RPF2: variants seen among roughly 807,000 people sequenced by gnomAD.
The protein encoded by RPF2 is brix domain containing 1.
A neutral mutation model predicts 38.9 loss-of-function variants in RPF2; 21 were observed. The observed-to-expected ratio is 0.54, with a 90% CI of 0.38 to 0.78. The LOEUF is 0.78. Ranked by LOEUF, RPF2 falls within the 30% of genes least tolerant of loss-of-function variation. The pLI is 0.00. For missense variants in RPF2, 314 were observed against 358.1 expected (o/e 0.88, Z 0.99); for synonymous variants, 121 against 126.2 (o/e 0.96, Z 0.28).
At chr6:110,990,598 A>C (rs1386557741) in intron 3 of RPF2, among the ~76,000 whole-genome samples, 1 of 44,504 alleles carries the variant, frequency 2.2e-5, no homozygotes. Flanking sequence ...TTGTTTTTTT[A>C]GTATGAGACG....
Position 111,027,996 on chromosome 6 carries a change from G to A in RPF2, c.*2414G>A, listed in dbSNP as rs144045995. ...TTTCAATGGAGGTGGTAAATTGCCT[G>A]TTTTAAGTTTTACTTAATGTTGGGT... On this transcript the variant is annotated 3_prime_UTR_variant, in exon 10 of 10. Coordinates refer to ENST00000441448, the MANE Select transcript of RPF2 (RefSeq NM_032194.3). 1.3e-3 allele frequency: 192 copies of A among 152,234 alleles called. No individual in the cohort carries two copies. Among genetic ancestry groups the A allele is most frequent in the African/African-American group, 4.4e-3 (184 of 41,552 alleles). 9.4% of individuals were successfully genotyped at this position (152,234 alleles called of 1,614,324 possible). A position where few individuals can be genotyped will look rare whatever the true frequency, so the allele number is the denominator to read the frequency against.
intron 3 of RPF2, among the ~76,000 whole-genome samples, chr6:110,990,857 G>T (rs191016136): frequency 6.6e-6 from 1 of 152,324 alleles, no homozygotes. Flanking sequence ...ACAGGCGTGA[G>T]CCACTGCTCC....
intron 8 of RPF2, among the ~76,000 whole-genome samples, chr6:111,017,398 CG>C (rs1562375567): frequency 3.0e-5 from 3 of 98,584 alleles, no homozygotes; most frequent in African/African-American, 1.2e-4. Context: ...CAGGCGGAGA[CG>C]CTCCTCACTT....
At chr6:111,021,820 A>G (rs1195292617) in intron 8 of RPF2, among the ~76,000 whole-genome samples, 2 of 152,228 alleles carry the variant, frequency 1.3e-5, no homozygotes, top group South Asian at 2.1e-4. Context: ...CCCTTATGCA[A>G]TTTGAAAATG....
At chr6:111,022,021 G>A in intron 8 of RPF2, among the ~76,000 whole-genome samples, 1 of 152,122 alleles carries the variant, frequency 6.6e-6, no homozygotes, top group East Asian at 1.9e-4. Flanking sequence ...ATTATTCCTT[G>A]TATGTGAGTG....
intron 6 of RPF2, among the ~76,000 whole-genome samples, chr6:111,007,815 T>C (rs958317934): frequency 1.3e-5 from 2 of 151,544 alleles, no homozygotes; most frequent in African/African-American, 2.4e-5. Context: ...GGCATGGTGG[T>C]GTGCACCTGT....
intron 6 of RPF2, among the ~76,000 whole-genome samples, chr6:111,000,691 A>G (rs1461631415): frequency 6.6e-6 from 1 of 152,188 alleles, no homozygotes; most frequent in Non-Finnish European, 1.5e-5. Flanking sequence ...GGCTTAATCT[A>G]TCTTATCAAA....
At position 111,020,808 on chromosome 6, in the gene RPF2, C is replaced by T. The variant is rs541799903; in HGVS notation, c.597-3375C>T. 2.0e-5 allele frequency among the ~76,000 whole-genome samples: 3 copies of T among 152,118 alleles called. No individual in the cohort carries two copies. The East Asian group carries it at 5.8e-4, about 29-fold the overall frequency. On this transcript the variant is annotated intron_variant, in intron 8 of 9. Transcript: ENST00000441448. Reference sequence around the variant, plus strand: ...CAGAGGTTGCAGTGAGCCAAGATCGCACCACTGCACTCCAGCCTGGGTGAC... The same window carrying T: ...CAGAGGTTGCAGTGAGCCAAGATCGTACCACTGCACTCCAGCCTGGGTGAC...
At chr6:111,004,526 T>C (rs1205375606) in intron 6 of RPF2, among the ~76,000 whole-genome samples, 1 of 150,312 alleles carries the variant, frequency 6.7e-6, no homozygotes, top group African/African-American at 2.4e-5. Context: ...AAAATATCAG[T>C]GCTGTATGTA....
chr6:111,002,305 T>G (rs981187777), intron 6 of RPF2, among the ~76,000 whole-genome samples: 2 of 151,862 alleles, frequency 1.3e-5, no homozygotes, highest in African/African-American at 4.9e-5. Context: ...AAAAGTAAAC[T>G]GGACCACAAA....
intron 4 of RPF2, among the ~76,000 whole-genome samples, chr6:110,992,812 C>T (rs1011656600): frequency 3.9e-5 from 6 of 152,216 alleles, no homozygotes; most frequent in Non-Finnish European, 5.9e-5. Context: ...CACAGTAGCT[C>T]ACGCCTGTAA....
At chr6:111,014,687 C>T (rs1299473941) in intron 7 of RPF2, among the ~76,000 whole-genome samples, 1 of 152,190 alleles carries the variant, frequency 6.6e-6, no homozygotes, top group Non-Finnish European at 1.5e-5. Flanking sequence ...CATGAATTTC[C>T]ATTTAGCCTC....
chr6:111,003,352 G>A (rs866475684), intron 6 of RPF2, among the ~76,000 whole-genome samples: 3 of 151,234 alleles, frequency 2.0e-5, no homozygotes, highest in Non-Finnish European at 3.0e-5. Flanking sequence ...GTGCAGTGGC[G>A]TGATTTCGTC....
intron 8 of RPF2, among the ~76,000 whole-genome samples, chr6:111,020,904 T>C (rs1236791673): frequency 1.3e-5 from 2 of 151,964 alleles, no homozygotes; most frequent in Non-Finnish European, 2.9e-5. Flanking sequence ...CGGTGGCTCA[T>C]CCCTGTAATC....
rs142822577 is a variant in RPF2, at chr6:111,003,546, A to G, written c.393+3759A>G. 3.1e-4 allele frequency among the ~76,000 whole-genome samples: 47 copies of G among 152,222 alleles called. No homozygotes were observed. In the East Asian group the frequency reaches 8.9e-3, roughly 29 times the overall value. Reference sequence around the variant, plus strand: ...TATTTAATATTAGACTCTACCAGGAAATTGAGTGAGTATTCTAGGAGCCTG... The same window carrying G: ...TATTTAATATTAGACTCTACCAGGAGATTGAGTGAGTATTCTAGGAGCCTG... On this transcript the variant is annotated intron_variant, in intron 6 of 9. Coordinates refer to ENST00000441448, the MANE Select transcript of RPF2 (RefSeq NM_032194.3).
chr6:110,998,222 C>T (rs1437334305), intron 5 of RPF2, among the ~76,000 whole-genome samples: 2 of 151,638 alleles, frequency 1.3e-5, no homozygotes, highest in Admixed American at 1.3e-4. Context: ...TTGATTTTTC[C>T]TTGGGATGAG....
intron 6 of RPF2, among the ~76,000 whole-genome samples, chr6:111,003,597 AG>A (rs1771851129): frequency 6.6e-6 from 1 of 152,176 alleles, no homozygotes. Context: ...CATACGTCAA[AG>A]GATGATTATA....
At position 111,025,801 on chromosome 6, in the gene RPF2, C is replaced by A; in HGVS notation, c.*219C>A. Reference sequence around the variant, plus strand: ...GGTGTGCCATTTTCTCTTGTGATATCCCCTGCCCTCCACAAATTCTTCTTT... The same window carrying A: ...GGTGTGCCATTTTCTCTTGTGATATACCCTGCCCTCCACAAATTCTTCTTT... On this transcript the variant is annotated 3_prime_UTR_variant, in exon 10 of 10. Transcript: ENST00000441448. 3.2e-6 allele frequency: 1 copy of A among 316,602 alleles called. No homozygotes were observed. The highest frequency in any genetic ancestry group is 5.7e-6 in the Non-Finnish European group (1 of 174,044). The allele number at this position is 316,602 out of a possible 1,614,324, so 19.6% of individuals were successfully genotyped here. A position where few individuals can be genotyped will look rare whatever the true frequency, so the allele number is the denominator to read the frequency against.
chr6:110,995,752 T>G (rs892653762), intron 4 of RPF2, among the ~76,000 whole-genome samples: 3 of 152,146 alleles, frequency 2.0e-5, no homozygotes, highest in Non-Finnish European at 4.4e-5. Context: ...CTAGATTTTT[T>G]TAGTACTCTG....
Sources: allele counts gnomAD v4.1 joint callset (sites outside exome capture counted in the v4.1 genomes callset), GRCh38; gene constraint gnomAD v4.1.1; transcripts MANE v1.5; gene names NCBI Gene and HGNC (gene_info 2026-07-23, HGNC 2026-07-21).